The following GALNTL6 variants were observed in gnomAD, a reference collection of about 807,000 sequenced individuals.
GALNTL6 encodes the protein polypeptide N-acetylgalactosaminyltransferase like 6.
A neutral mutation model predicts 73.7 loss-of-function variants in GALNTL6; 46 were observed. The observed-to-expected ratio is 0.62, with a 90% CI of 0.49 to 0.80. The LOEUF (loss-of-function observed/expected upper bound fraction) is 0.80. Ranked by LOEUF, GALNTL6 falls within the 30% of genes least tolerant of loss-of-function variation. GALNTL6 has a pLI of 0.00. For missense variants in GALNTL6, 604 were observed against 755.0 expected (o/e 0.80, Z 2.34); for synonymous variants, 259 against 263.7 (o/e 0.98, Z 0.17).
intron 2 of GALNTL6, among the ~76,000 whole-genome samples, chr4:172,065,734 G>A (rs554050970): frequency 3.9e-5 from 6 of 152,214 alleles, no homozygotes; most frequent in South Asian, 2.1e-4. Flanking sequence ...AAAGAAAAAC[G>A]GTTTAATTGA....
At chr4:172,629,722 A>C (rs1277123437) in intron 5 of GALNTL6, among the ~76,000 whole-genome samples, 3 of 152,324 alleles carry the variant, frequency 2.0e-5, no homozygotes, top group Admixed American at 6.5e-5. Context: ...ATAGGTATAG[A>C]TAGAAATGAA....
intron 2 of GALNTL6, among the ~76,000 whole-genome samples, chr4:171,863,197 T>C (rs903383911): frequency 1.3e-5 from 2 of 152,224 alleles, no homozygotes; most frequent in Admixed American, 6.5e-5. Context: ...TACAAGGCCC[T>C]AGAATTAAAA....
At chr4:172,978,405 C>T (rs148330794) in intron 10 of GALNTL6, among the ~76,000 whole-genome samples, 1 of 152,272 alleles carries the variant, frequency 6.6e-6, no homozygotes, top group African/African-American at 2.4e-5. Flanking sequence ...ATAGACATCT[C>T]ACTCACAGGA....
intron 7 of GALNTL6, among the ~76,000 whole-genome samples, chr4:172,829,075 C>G (rs375228014): frequency 2.0e-5 from 3 of 152,172 alleles, no homozygotes; most frequent in East Asian, 1.9e-4. Context: ...GGTGTACTCC[C>G]GTGCCTTCAC....
intron 2 of GALNTL6, among the ~76,000 whole-genome samples, chr4:172,188,776 G>A (rs1040867452): frequency 6.6e-6 from 1 of 152,120 alleles, no homozygotes; most frequent in Non-Finnish European, 1.5e-5. Context: ...AGTGTGAGGA[G>A]CAGCAGCAGG....
intron 5 of GALNTL6, among the ~76,000 whole-genome samples, chr4:172,473,000 G>A (rs1733106485): frequency 6.6e-6 from 1 of 152,146 alleles, no homozygotes; most frequent in Non-Finnish European, 1.5e-5. Flanking sequence ...TGATGTGGAT[G>A]AATAAATTCA....
At chr4:172,719,742 G>T in intron 5 of GALNTL6, among the ~76,000 whole-genome samples, 1 of 152,108 alleles carries the variant, frequency 6.6e-6, no homozygotes, top group East Asian at 1.9e-4. Flanking sequence ...GTGCAAGAAA[G>T]AATTAAGGGC....
At chr4:171,924,859 A>G (rs1283794071) in intron 2 of GALNTL6, among the ~76,000 whole-genome samples, 1 of 152,154 alleles carries the variant, frequency 6.6e-6, no homozygotes, top group Non-Finnish European at 1.5e-5. Context: ...GTCAGGTTGC[A>G]CCCACACTTG....
At chr4:172,857,925 C>A (rs1744200118) in intron 7 of GALNTL6, among the ~76,000 whole-genome samples, 1 of 152,150 alleles carries the variant, frequency 6.6e-6, no homozygotes, top group African/African-American at 2.4e-5. Flanking sequence ...CCTGTTGTCC[C>A]TGATTACTCT....
chr4:172,623,357 ATGT>A (rs1432407665), intron 5 of GALNTL6, among the ~76,000 whole-genome samples: 1 of 152,136 alleles, frequency 6.6e-6, no homozygotes, highest in African/African-American at 2.4e-5. Flanking sequence ...ATGTGATCAT[ATGT>A]ATATAATTTT....
intron 5 of GALNTL6, among the ~76,000 whole-genome samples, chr4:172,588,774 C>T (rs1737522651): frequency 2.0e-5 from 3 of 152,200 alleles, no homozygotes; most frequent in Middle Eastern, 3.4e-3. Flanking sequence ...TCCAGTTATG[C>T]AATCACATAT....
intron 5 of GALNTL6, among the ~76,000 whole-genome samples, chr4:172,631,804 A>G (rs923951797): frequency 6.6e-6 from 1 of 152,260 alleles, no homozygotes; most frequent in African/African-American, 2.4e-5. Flanking sequence ...TTAAGAAAGA[A>G]GTACATCTTT....
chr4:171,982,971 G>T (rs1027562193), intron 2 of GALNTL6, among the ~76,000 whole-genome samples: 9 of 152,084 alleles, frequency 5.9e-5, no homozygotes, highest in Non-Finnish European at 8.8e-5. Flanking sequence ...AGCCTTACAA[G>T]AATGTAACCA....
At chr4:172,058,145 T>C (rs1731086167) in intron 2 of GALNTL6, among the ~76,000 whole-genome samples, 1 of 135,234 alleles carries the variant, frequency 7.4e-6, no homozygotes, top group African/African-American at 2.6e-5. Flanking sequence ...TGTTTTGTTT[T>C]GTTTTGTTGT....
chr4:172,891,049 A>G (rs1381001711), intron 8 of GALNTL6, among the ~76,000 whole-genome samples: 3 of 150,240 alleles, frequency 2.0e-5, no homozygotes, highest in African/African-American at 2.4e-5. Flanking sequence ...ATCTTTCTCC[A>G]TTCCTTTCCT....
chr4:171,935,590 G>A (rs932471787), intron 2 of GALNTL6, among the ~76,000 whole-genome samples: 23 of 152,050 alleles, frequency 1.5e-4, no homozygotes, highest in African/African-American at 3.9e-4. Context: ...TTACCTCAGC[G>A]TCCAGAATAT....
chr4:172,713,437 A>G (rs1734849454), intron 5 of GALNTL6, among the ~76,000 whole-genome samples: 2 of 151,936 alleles, frequency 1.3e-5, no homozygotes. Flanking sequence ...TTGCTGCAGG[A>G]GATCAGTCTT....
intron 5 of GALNTL6, among the ~76,000 whole-genome samples, chr4:172,671,423 C>T (rs528088755): frequency 1.3e-5 from 2 of 152,018 alleles, no homozygotes; most frequent in South Asian, 2.1e-4. Context: ...TGTGTGGCAA[C>T]TGTGAATGGG....
intron 5 of GALNTL6, among the ~76,000 whole-genome samples, chr4:172,706,467 T>G (rs1381017518): frequency 6.6e-6 from 1 of 152,138 alleles, no homozygotes; most frequent in African/African-American, 2.4e-5. Flanking sequence ...CTCATTTTTT[T>G]GTCCATTTGG....
Sources: allele counts gnomAD v4.1 joint callset (sites outside exome capture counted in the v4.1 genomes callset), GRCh38; gene constraint gnomAD v4.1.1; transcripts MANE v1.5; gene names NCBI Gene and HGNC (gene_info 2026-07-23, HGNC 2026-07-21).